Variants in LMBRD1 observed in about 807,000 individuals in gnomAD.
LMBRD1 encodes the protein LMBR1 domain containing 1.
LMBRD1 carries 64 observed loss-of-function variants against 74.8 expected under a neutral mutation model. The ratio of observed to expected loss-of-function variants is 0.86; its 90% CI spans 0.70 to 1.05. LMBRD1 has a LOEUF of 1.05. Among genes scored for constraint, LMBRD1 ranks in the 50% least tolerant of loss-of-function variants. LMBRD1 has a pLI of 0.00. For synonymous variants in LMBRD1, 204 were observed against 216.3 expected (o/e 0.94, Z 0.50); for missense variants, 652 against 645.9 (o/e 1.01, Z -0.10).
At chr6:69,796,704 G>A (rs1561924917) in intron 1 of LMBRD1, 109 bp downstream of exon 1, 3 of 1,005,216 alleles carry the variant, frequency 3.0e-6, no homozygotes, top group Non-Finnish European at 4.6e-6. Flanking sequence ...AGCTAAAAGC[G>A]GGGCGGGGCG....
At chr6:69,749,216 G>A (rs763395346) in intron 5 of LMBRD1, 125 bp downstream of exon 5, 541 of 735,950 alleles carry the variant, frequency 7.4e-4, no homozygotes, top group Middle Eastern at 3.1e-3. Flanking sequence ...GAGATTTAGA[G>A]AGTGGATTGT....
intron 7 of LMBRD1, among the ~76,000 whole-genome samples, chr6:69,719,794 G>C (rs1029036925): frequency 1.3e-5 from 2 of 152,080 alleles, no homozygotes; most frequent in African/African-American, 4.8e-5. Flanking sequence ...ATCACCTCCT[G>C]GTGGCAGCAA....
At chr6:69,774,988 AGGGAGGGAGGGAG>A (rs1562121717) in intron 3 of LMBRD1, among the ~76,000 whole-genome samples, 6 of 29,456 alleles carry the variant, frequency 2.0e-4, no homozygotes, top group Admixed American at 4.1e-4. Flanking sequence ...GAAGGAAGGA[AGGGAGGGAGGGAG>A]GGAGGGAGGG....
chr6:69,674,747 G>T lies in LMBRD1; in HGVS notation c.*1411C>A, dbSNP rs1012807159. On this transcript the variant is annotated 3_prime_UTR_variant, in exon 16 of 16. Transcript: ENST00000649934. ...CCCAGCACTTTGGGAGGCCACTGTG[G>T]GTGGATCATGAGGTCAGGAGTTCAA... is the stretch of plus-strand genomic sequence containing the variant. Among the ~76,000 whole-genome samples, 14 of 152,078 alleles carry T rather than the reference G, an allele frequency of 9.2e-5. 1 individual carries two copies. The highest frequency in any genetic ancestry group is 3.1e-4 in the African/African-American group (13 of 41,426).
chr6:69,763,409 T>C (rs1223760496), intron 3 of LMBRD1, among the ~76,000 whole-genome samples: 4 of 152,030 alleles, frequency 2.6e-5, no homozygotes, highest in Non-Finnish European at 5.9e-5. Context: ...TAATCAGCCA[T>C]CCCAGCAGAA....
intron 1 of LMBRD1, among the ~76,000 whole-genome samples, chr6:69,791,959 T>C (rs894466340): frequency 6.6e-6 from 1 of 152,230 alleles, no homozygotes; most frequent in Non-Finnish European, 1.5e-5. Flanking sequence ...AGGTTTCACC[T>C]AGGACCTCAT....
chr6:69,709,875 C>T (rs918186828), intron 9 of LMBRD1, among the ~76,000 whole-genome samples: 2 of 151,956 alleles, frequency 1.3e-5, no homozygotes, highest in African/African-American at 2.4e-5. Context: ...CAAAACATTC[C>T]TGAGAGAAAT....
intron 7 of LMBRD1, among the ~76,000 whole-genome samples, chr6:69,728,712 T>C (rs1766789402): frequency 1.3e-5 from 2 of 152,210 alleles, no homozygotes; most frequent in Non-Finnish European, 2.9e-5. Context: ...ATCCATCTTC[T>C]ACACTGTTTC....
chr6:69,736,391 C>T (rs2149867983), intron 7 of LMBRD1, among the ~76,000 whole-genome samples: 1 of 152,240 alleles, frequency 6.6e-6, no homozygotes, highest in South Asian at 2.1e-4. Context: ...GTGCAGGTCT[C>T]ATCTAGTTCT....
intron 2 of LMBRD1, among the ~76,000 whole-genome samples, chr6:69,780,930 A>C (rs776234419): frequency 2.0e-5 from 3 of 152,212 alleles, no homozygotes; most frequent in Non-Finnish European, 4.4e-5. Context: ...CAAGAAGCTA[A>C]ATATAGATTA....
intron 14 of LMBRD1, among the ~76,000 whole-genome samples, chr6:69,677,147 T>A (rs1765562686): frequency 6.6e-6 from 1 of 152,152 alleles, no homozygotes; most frequent in South Asian, 2.1e-4. Context: ...CAATGAAGAA[T>A]GGAGAGCTAA....
intron 9 of LMBRD1, among the ~76,000 whole-genome samples, chr6:69,712,843 A>G (rs542886494): frequency 3.3e-5 from 5 of 152,278 alleles, no homozygotes; most frequent in African/African-American, 1.2e-4. Flanking sequence ...ATAAAATCTT[A>G]GAAAGAATGG....
At chr6:69,693,769 T>C (rs1180118011) in intron 14 of LMBRD1, among the ~76,000 whole-genome samples, 1 of 151,902 alleles carries the variant, frequency 6.6e-6, no homozygotes, top group Admixed American at 6.6e-5. Flanking sequence ...TACCCTTATG[T>C]GTCTAATCCA....
chr6:69,785,569 G>A (rs966479874), intron 2 of LMBRD1, among the ~76,000 whole-genome samples: 3 of 152,038 alleles, frequency 2.0e-5, no homozygotes, highest in African/African-American at 7.2e-5. Flanking sequence ...AAAAACCTAG[G>A]CATCAGTGCT....
intron 7 of LMBRD1, among the ~76,000 whole-genome samples, chr6:69,719,340 T>C (rs1766565516): frequency 6.6e-6 from 1 of 152,136 alleles, no homozygotes; most frequent in Non-Finnish European, 1.5e-5. Context: ...TGTACAATAC[T>C]TTATATCAAA....
At chr6:69,758,846 A>T (rs1765318752) in intron 3 of LMBRD1, among the ~76,000 whole-genome samples, 1 of 152,122 alleles carries the variant, frequency 6.6e-6, no homozygotes, top group Non-Finnish European at 1.5e-5. Context: ...AACTTTTGCC[A>T]CTGAACATGA....
At chr6:69,792,607 G>A (rs1766110926) in intron 1 of LMBRD1, among the ~76,000 whole-genome samples, 1 of 152,054 alleles carries the variant, frequency 6.6e-6, no homozygotes, top group Non-Finnish European at 1.5e-5. Flanking sequence ...CTTGATTTTG[G>A]GAAATTTATT....
At chr6:69,765,007 G>A (rs1765450347) in intron 3 of LMBRD1, among the ~76,000 whole-genome samples, 2 of 150,848 alleles carry the variant, frequency 1.3e-5, no homozygotes, top group Non-Finnish European at 1.5e-5. Context: ...TTGGCTTACT[G>A]CAACCTCTGC....
chr6:69,689,812 T>C (rs1244515757), intron 14 of LMBRD1, among the ~76,000 whole-genome samples: 1 of 152,138 alleles, frequency 6.6e-6, no homozygotes, highest in Non-Finnish European at 1.5e-5. Flanking sequence ...GACTTTATTA[T>C]GAATTGTTAA....
Sources: allele counts gnomAD v4.1 joint callset (sites outside exome capture counted in the v4.1 genomes callset), GRCh38; gene constraint gnomAD v4.1.1; transcripts MANE v1.5; gene names NCBI Gene and HGNC (gene_info 2026-07-23, HGNC 2026-07-21).